The following PRDM16 variants were observed in gnomAD, a reference collection of about 807,000 sequenced individuals.
PRDM16 encodes PR/SET domain 16, also known as histone-lysine N-methyltransferase PRDM16.
A neutral mutation model predicts 110.6 loss-of-function variants in PRDM16; 23 were observed. The ratio of observed to expected loss-of-function variants is 0.21; its 90% confidence interval spans 0.15 to 0.29. The LOEUF (loss-of-function observed/expected upper bound fraction) is 0.29, where lower values mean the gene tolerates loss of function less well. Ranked by LOEUF, PRDM16 falls within the 10% of genes least tolerant of loss-of-function variation. PRDM16 has a pLI of 1.00. For synonymous variants in PRDM16, 799 were observed against 781.8 expected (o/e 1.02, Z -0.37); for missense variants, 1,615 against 1,794.3 (o/e 0.90, Z 1.81).
chr1:3,181,410 G>A (rs1235901878), intron 1 of PRDM16, among the ~76,000 whole-genome samples: 4 of 19,644 alleles, frequency 2.0e-4, no homozygotes, highest in Non-Finnish European at 1.6e-4. Context: ...TCTTACACAC[G>A]CAGTCTTACA....
chr1:3,261,472 G>A (rs1029401717), intron 3 of PRDM16, among the ~76,000 whole-genome samples: 1 of 152,144 alleles, frequency 6.6e-6, no homozygotes, highest in African/African-American at 2.4e-5. Flanking sequence ...TGGGTTTGGA[G>A]AGCTGGAGAC....
rs1553127265 is a variant in PRDM16 at position 3,114,191 on chromosome 1, A to ACACACACGCACGCG, written c.37+44896_37+44897insACACACGCACGCGC. 5.3e-3 allele frequency among the ~76,000 whole-genome samples: 693 copies of ACACACACGCACGCG among 131,794 alleles called. 2 individuals carry two copies. The highest frequency in any genetic ancestry group is 0.022 in the Middle Eastern group (5 of 226). 86.5% of individuals were successfully genotyped at this position (131,794 alleles called of 152,430 possible). On this transcript the variant is annotated intron_variant, in intron 1 of 16. Transcript: ENST00000270722. ...CACACACACGCACACACACGCACAC[A>ACACACACGCACGCG]CGCACACGCACGCACACACGCACAC...
Position 3,246,968 on chromosome 1 carries a change from G to A in PRDM16, c.438+2831G>A, listed in dbSNP as rs1569918907. On this transcript the variant is annotated intron_variant, in intron 3 of 16. Coordinates refer to ENST00000270722, the MANE Select transcript of PRDM16 (RefSeq NM_022114.4). The surrounding 1 kb of genome is among the most constrained non-coding windows in gnomAD (Gnocchi z 5.2). ...GCAAACAAATGCGCCACTTAGAGCTGTTGGTATAGGTGCGATGTGTGGATT... is the reference window on the plus strand; with the variant it reads ...GCAAACAAATGCGCCACTTAGAGCTATTGGTATAGGTGCGATGTGTGGATT... 6.6e-6 allele frequency among the ~76,000 whole-genome samples: 1 copy of A among 152,184 alleles called. No homozygotes were observed.
intron 2 of PRDM16, among the ~76,000 whole-genome samples, chr1:3,212,092 G>C (rs1638898824): frequency 6.6e-6 from 1 of 152,192 alleles, no homozygotes; most frequent in Non-Finnish European, 1.5e-5. Context: ...CTGCTAATTT[G>C]CACTCCATTC....
chr1:3,401,871 A>G (rs11577526), intron 5 of PRDM16, among the ~76,000 whole-genome samples: 87,407 of 152,062 alleles, frequency 0.57, 26,081 homozygotes, highest in South Asian at 0.7. Context: ...ATGAAAACAC[A>G]CCAGTGCACA....
chr1:3,412,869 G>T (rs893606485), intron 9 of PRDM16, 69 bp downstream of exon 9: 2 of 1,256,228 alleles, frequency 1.6e-6, no homozygotes, highest in Non-Finnish European at 2.1e-6. Context: ...CGGGCTCAGT[G>T]CATGGTGGTG....
chr1:3,355,081 C>T (rs1016489637), intron 3 of PRDM16, among the ~76,000 whole-genome samples: 11 of 152,198 alleles, frequency 7.2e-5, no homozygotes, highest in African/African-American at 1.7e-4. Flanking sequence ...CCAGGCCTCC[C>T]GCACCGATAC....
At chr1:3,324,718 C>A (rs548296702) in intron 3 of PRDM16, among the ~76,000 whole-genome samples, 1 of 150,274 alleles carries the variant, frequency 6.7e-6, no homozygotes, top group African/African-American at 2.4e-5. Flanking sequence ...GCACAGATGT[C>A]CCCCCTGATT....
At chr1:3,263,368 G>A (rs1640213342) in intron 3 of PRDM16, among the ~76,000 whole-genome samples, 1 of 152,214 alleles carries the variant, frequency 6.6e-6, no homozygotes, top group South Asian at 2.1e-4. Context: ...GACAGAGCGT[G>A]CCGCTCTCCC....
At chr1:3,180,885 CACACGGCCTCACACACGCAGTCTT>C (rs1387119716) in intron 1 of PRDM16, among the ~76,000 whole-genome samples, 7 of 151,274 alleles carry the variant, frequency 4.6e-5, no homozygotes, top group South Asian at 4.2e-4. Context: ...CGCAGTCTTA[CACACGGCCTCACACACGCAGTCTT>C]ACACGCAGCC....
chr1:3,266,100 C>T (rs1464824095), intron 3 of PRDM16, among the ~76,000 whole-genome samples: 1 of 152,236 alleles, frequency 6.6e-6, no homozygotes, highest in African/African-American at 2.4e-5. Flanking sequence ...CTGCAGTCAT[C>T]ATAAATGCAT....
intron 1 of PRDM16, among the ~76,000 whole-genome samples, chr1:3,181,692 G>GGTCTTACACAGTCTTACACGCGCA (rs1644198946): frequency 1.1e-5 from 1 of 91,196 alleles, no homozygotes; most frequent in Non-Finnish European, 2.2e-5. Flanking sequence ...TCTTACACAC[G>GGTCTTACACAGTCTTACACGCGCA]GTCTTACACA....
At chr1:3,247,983 C>CG (rs1447783841) in intron 3 of PRDM16, among the ~76,000 whole-genome samples, 1 of 152,158 alleles carries the variant, frequency 6.6e-6, no homozygotes, top group African/African-American at 2.4e-5. Context: ...TCCATCACTC[C>CG]GGGCGCGCAG....
At position 3,425,798 on chromosome 1, in the gene PRDM16, G is replaced by A. The variant is rs1255625154; in HGVS notation, c.3109+48G>A. On this transcript the variant is annotated intron_variant, in intron 13 of 16. Transcript: ENST00000270722. This position sits in a 1 kb window ranked among gnomAD's most constrained non-coding sequence, Gnocchi z 6.9. ...GCCCCCAGAGCACCCACACGGGCAG[G>A]CCCCACAGAGGGGGAGGGGGAACAG... The A allele has an allele frequency of 3.7e-6, 6 of 1,604,970 alleles. No homozygotes were observed. In the East Asian group the frequency reaches 6.7e-5, roughly 18 times the overall value.
chr1:3,186,600 C>A, intron 2 of PRDM16, 126 bp downstream of exon 2: 1 of 621,370 alleles, frequency 1.6e-6, no homozygotes, highest in Non-Finnish European at 2.7e-6. Flanking sequence ...GTTCAAATGT[C>A]ACATTTCCCA....
In PRDM16 at chr1:3,412,473, G is replaced by A. The variant is rs762997591; in HGVS notation, c.2276G>A (p.Arg759Gln). 83 of 1,612,704 alleles carry A rather than the reference G, an allele frequency of 5.1e-5. 1 individual carries two copies. The highest frequency in any genetic ancestry group is 1.5e-4 in the South Asian group (14 of 91,062). ...GTCAAGGCCGAGCCAAAGTCACCCC[G>A]GGACGCCCTCAAGGTGGGCGGCCCC... ...LLVKAEPKSP[R>Q]DALKVGGPSA... Residue 759 changes from arginine to glutamine, a missense_variant, in exon 9 of 17, where the codon CGG (arginine) becomes CAG (glutamine). Transcript: ENST00000270722.
At chr1:3,154,563 C>T (rs1557488106) in intron 1 of PRDM16, among the ~76,000 whole-genome samples, 1 of 152,194 alleles carries the variant, frequency 6.6e-6, no homozygotes, top group Non-Finnish European at 1.5e-5. Context: ...CATGGCCCTT[C>T]CCACTTTCCC....
intron 3 of PRDM16, among the ~76,000 whole-genome samples, chr1:3,356,400 G>A (rs186530910): frequency 1.9e-4 from 29 of 152,314 alleles, no homozygotes; most frequent in Admixed American, 6.5e-4. Flanking sequence ...GAGGTCCGAC[G>A]CCGTGTCCAC....
At chr1:3,414,363 A>G (rs1643744226) in intron 9 of PRDM16, among the ~76,000 whole-genome samples, 197 bp from the exon 10 acceptor site, 1 of 152,080 alleles carries the variant, frequency 6.6e-6, no homozygotes, top group South Asian at 2.1e-4. Context: ...CTAGGGGTGC[A>G]GGTGGGCTGG....
Sources: allele counts gnomAD v4.1 joint callset (sites outside exome capture counted in the v4.1 genomes callset), GRCh38; gene constraint gnomAD v4.1.1; non-coding constraint Gnocchi (gnomAD v3.1); transcripts MANE v1.5; gene names NCBI Gene and HGNC (gene_info 2026-07-23, HGNC 2026-07-21).